GLCE: variants seen among roughly 807,000 people sequenced by gnomAD.
The protein encoded by GLCE is glucuronic acid epimerase, also known as D-glucuronyl C5-epimerase.
In GLCE, 19 loss-of-function variants were observed where a neutral mutation model predicts 47.9. That is an observed-to-expected ratio of 0.40 (90% CI 0.28 to 0.58). The LOEUF is 0.58. Among genes scored for constraint, GLCE ranks in the 20% least tolerant of loss-of-function variants. The pLI is 0.48. For synonymous variants in GLCE, 245 were observed against 263.4 expected, an observed-to-expected ratio of 0.93 and a Z score of 0.68; for missense variants, 556 against 743.3, an observed-to-expected ratio of 0.75 and a Z score of 2.93.
intron 2 of GLCE, among the ~76,000 whole-genome samples, chr15:69,238,703 T>C (rs749720980): frequency 1.3e-5 from 2 of 152,152 alleles, no homozygotes; most frequent in African/African-American, 4.8e-5. Context: ...GTGGAAAGAA[T>C]AGGTTGCCAT....
At chr15:69,208,980 A>G (rs1007347903) in intron 1 of GLCE, among the ~76,000 whole-genome samples, 8 of 152,144 alleles carry the variant, frequency 5.3e-5, no homozygotes, top group Admixed American at 2.0e-4. Context: ...ATCTTTCTGT[A>G]TGTTCAGATT....
At chr15:69,242,740 G>A (rs2052688757) in intron 2 of GLCE, among the ~76,000 whole-genome samples, 1 of 151,844 alleles carries the variant, frequency 6.6e-6, no homozygotes, top group Non-Finnish European at 1.5e-5. Flanking sequence ...CTAGTTTATG[G>A]TTGCTGAAGT....
At chr15:69,252,589 A>G (rs1407062622) in intron 2 of GLCE, among the ~76,000 whole-genome samples, 2 of 152,234 alleles carry the variant, frequency 1.3e-5, no homozygotes, top group Admixed American at 6.5e-5. Flanking sequence ...GGTGGGGACA[A>G]ATGCCCAAAC....
In GLCE at chr15:69,269,043, G is replaced by A. The variant is rs2053126988; in HGVS notation, c.1653G>A (p.Leu551=). The change falls in exon 5 of 5, where the codon TTG becomes TTA. Residue 551 remains leucine (L), a synonymous_variant. Coordinates refer to ENST00000261858, the MANE Select transcript of GLCE (RefSeq NM_015554.3). ...AATCTCTTAAAGCCATGCTGCCCTT[G>A]TATGACACTGGCTCAGGAACCATCT... ...GMESLKAMLP[L]YDTGSGTIYD... 3 of 1,614,076 alleles carry A rather than the reference G, an allele frequency of 1.9e-6. No individual in the cohort carries two copies. The highest frequency in any genetic ancestry group is 2.2e-5 in the East Asian group (1 of 44,894).
chr15:69,178,834 A>G (rs990454682), intron 1 of GLCE, among the ~76,000 whole-genome samples: 3 of 152,156 alleles, frequency 2.0e-5, no homozygotes, highest in Non-Finnish European at 2.9e-5. Context: ...AGTATTAATT[A>G]TATTGTCAAA....
intron 3 of GLCE, among the ~76,000 whole-genome samples, chr15:69,257,437 C>G (rs535151747): frequency 1.3e-5 from 2 of 152,160 alleles, no homozygotes; most frequent in Non-Finnish European, 2.9e-5. Context: ...CTCCCAGGCT[C>G]AAGTGATCCT....
Position 69,268,976 on chromosome 15 carries a change from A to G in GLCE, c.1586A>G (p.Lys529Arg), listed in dbSNP as rs770424681. 4 of 1,614,030 alleles carry G rather than the reference A, an allele frequency of 2.5e-6. No individual in the cohort carries two copies. In the African/African-American group the frequency reaches 5.3e-5, roughly 22 times the overall value. Residue 529 changes from lysine to arginine, a missense_variant, in exon 5 of 5, where the codon AAA becomes AGA. Transcript: ENST00000261858. ...GACTTAAAAGAAACTGCAGGGGAAA[A>G]ACTCGGAAAAGAAGCAAGGTCCTTG... The part of the protein sequence containing the change: ...LYDLKETAGE[K>R]LGKEARSLYE...
rs751567165 is a variant in GLCE, at chr15:69,210,321, T to C, written c.-99T>C. 1 of 152,122 alleles carries C rather than the reference T, an allele frequency of 6.6e-6. No homozygotes were observed. The highest frequency in any genetic ancestry group is 1.5e-5 in the Non-Finnish European group (1 of 68,008). 9.4% of individuals were successfully genotyped at this position (152,122 alleles called of 1,614,324 possible). ...TTTCAATTTTGTTTCTCTAGGAATTTGACAAGAAACTGAAGTTTTGATTCA... is the reference window on the plus strand; with the variant it reads ...TTTCAATTTTGTTTCTCTAGGAATTCGACAAGAAACTGAAGTTTTGATTCA... On this transcript the variant is annotated 5_prime_UTR_variant, in exon 2 of 5. Coordinates refer to ENST00000261858, the MANE Select transcript of GLCE (RefSeq NM_015554.3).
intron 2 of GLCE, among the ~76,000 whole-genome samples, chr15:69,245,038 A>T (rs1489751015): frequency 6.6e-6 from 1 of 152,150 alleles, no homozygotes; most frequent in Non-Finnish European, 1.5e-5. Flanking sequence ...TGTCTAAAAA[A>T]TATACATACC....
chr15:69,228,875 A>G (rs918381836), intron 2 of GLCE, among the ~76,000 whole-genome samples: 1 of 152,126 alleles, frequency 6.6e-6, no homozygotes, highest in Non-Finnish European at 1.5e-5. Flanking sequence ...TTTTGTAGAG[A>G]CAGAGTTTTG....
At chr15:69,246,343 A>G (rs184853114) in intron 2 of GLCE, among the ~76,000 whole-genome samples, 24 of 152,256 alleles carry the variant, frequency 1.6e-4, no homozygotes, top group Middle Eastern at 3.4e-3. Context: ...CAGGTTTTCA[A>G]TTTATTTTAC....
intron 2 of GLCE, among the ~76,000 whole-genome samples, chr15:69,235,914 G>A (rs2052589522): frequency 6.6e-6 from 1 of 152,022 alleles, no homozygotes; most frequent in Non-Finnish European, 1.5e-5. Context: ...CATTTCCATC[G>A]TCCTCAAAAG....
chr15:69,222,059 C>G lies in GLCE; in HGVS notation c.-14+11653C>G, dbSNP rs551890452. Among the ~76,000 whole-genome samples the G allele has an allele frequency of 1.2e-4, 18 of 152,166 alleles. No individual in the cohort carries two copies. In the South Asian group the frequency reaches 2.5e-3, roughly 21 times the overall value. On this transcript the variant is annotated intron_variant, in intron 2 of 4. Transcript: ENST00000261858. The stretch of plus-strand genomic sequence containing the variant: ...GCACAAGTTGCATGTGGTTGAATGC[C>G]TTTGTTTCTGAATGCTTTTAAAGGG...
Position 69,264,275 on chromosome 15 carries a change from G to A in GLCE, c.829+2946G>A, listed in dbSNP as rs1020389696. ...AGTATCTTTCTCTGACTTGTCACACGTAGCATAATTCCTTCAAGGTTCGTC... is the reference window on the plus strand; with the variant it reads ...AGTATCTTTCTCTGACTTGTCACACATAGCATAATTCCTTCAAGGTTCGTC... On this transcript the variant is annotated intron_variant, in intron 4 of 4. Coordinates refer to ENST00000261858, the MANE Select transcript of GLCE (RefSeq NM_015554.3). Among the ~76,000 whole-genome samples, 19 of 149,352 alleles carry A rather than the reference G, an allele frequency of 1.3e-4. 1 individual carries two copies. The highest frequency in any genetic ancestry group is 6.4e-4 in the South Asian group (3 of 4,694).
In GLCE at chr15:69,238,465, G is replaced by A. The variant is rs142401498; in HGVS notation, c.-13-17329G>A. ...TTCTTAGGGTTTGATTTCAATAACC[G>A]AAAGTATATCTAATGCTTAGCATAT... On this transcript the variant is annotated intron_variant, in intron 2 of 4. Coordinates refer to ENST00000261858, the MANE Select transcript of GLCE (RefSeq NM_015554.3). Among the ~76,000 whole-genome samples, 1,086 of 152,220 alleles carry A rather than the reference G, an allele frequency of 7.1e-3. 15 individuals carry two copies. Among genetic ancestry groups the A allele is most frequent in the African/African-American group, 0.025 (1,043 of 41,542 alleles).
intron 1 of GLCE, among the ~76,000 whole-genome samples, chr15:69,186,349 A>G (rs1220490291): frequency 6.6e-6 from 1 of 152,200 alleles, no homozygotes; most frequent in African/African-American, 2.4e-5. Flanking sequence ...CCTCAGCATT[A>G]TAACAAAAGA....
At chr15:69,203,683 C>T (rs1208760250) in intron 1 of GLCE, among the ~76,000 whole-genome samples, 6 of 152,066 alleles carry the variant, frequency 3.9e-5, no homozygotes, top group African/African-American at 9.7e-5. Flanking sequence ...GATCATTTAA[C>T]TTATAATTGG....
intron 1 of GLCE, among the ~76,000 whole-genome samples, chr15:69,180,816 G>A (rs1300668129): frequency 6.6e-6 from 1 of 152,208 alleles, no homozygotes; most frequent in African/African-American, 2.4e-5. Context: ...ACGTGGTATA[G>A]AAAGACATTG....
intron 2 of GLCE, among the ~76,000 whole-genome samples, chr15:69,231,881 C>T (rs968490118): frequency 6.6e-6 from 1 of 152,146 alleles, no homozygotes; most frequent in African/African-American, 2.4e-5. Flanking sequence ...CAGCCTCTGC[C>T]TCTTGGGTTC....
Sources: gnomAD v4.1 joint callset for allele counts (sites outside exome capture counted in the v4.1 genomes callset) on GRCh38, gnomAD v4.1.1 for gene constraint, MANE v1.5 for transcripts, NCBI Gene and HGNC (gene_info 2026-07-23, HGNC 2026-07-21) for gene names.